The following TLL1 variants were observed in gnomAD, a reference collection of about 807,000 sequenced individuals.
The protein encoded by TLL1 is tolloid-like protein 1.
A neutral mutation model predicts 128.2 loss-of-function variants in TLL1; 49 were observed. The observed-to-expected ratio is 0.38, with a 90% confidence interval of 0.30 to 0.48. TLL1 has a LOEUF of 0.48. Ranked by LOEUF, TLL1 falls within the 20% of genes least tolerant of loss-of-function variation. The probability of loss-of-function intolerance (pLI) is 0.96; values close to 1 mark genes in which losing one functional copy is unlikely to be tolerated. For synonymous variants in TLL1, 454 were observed against 418.8 expected (o/e 1.08, Z -1.03); for missense variants, 1,123 against 1,242.0 (o/e 0.90, Z 1.44).
chr4:165,943,409 A>G (rs1157749651), intron 1 of TLL1, among the ~76,000 whole-genome samples: 2 of 152,012 alleles, frequency 1.3e-5, no homozygotes, highest in Non-Finnish European at 2.9e-5. Context: ...ATTTTAAAAG[A>G]TCAGAAGTTT....
At chr4:165,900,149 C>T (rs890570790) in intron 1 of TLL1, among the ~76,000 whole-genome samples, 1 of 150,924 alleles carries the variant, frequency 6.6e-6, no homozygotes, top group African/African-American at 2.4e-5. Flanking sequence ...AGATGGGTCT[C>T]CTGAATACAG....
chr4:166,056,238 T>G (rs1740001937), intron 13 of TLL1, among the ~76,000 whole-genome samples: 1 of 152,124 alleles, frequency 6.6e-6, no homozygotes, highest in African/African-American at 2.4e-5. Context: ...TTCTTTCATG[T>G]GATATTCATA....
chr4:166,006,661 C>T (rs1737445510), intron 6 of TLL1, among the ~76,000 whole-genome samples: 1 of 151,584 alleles, frequency 6.6e-6, no homozygotes, highest in African/African-American at 2.4e-5. Flanking sequence ...TGAATATTTC[C>T]CAAGAATGGT....
intron 9 of TLL1, chr4:166,030,681 A>G: frequency 9.4e-7 from 1 of 1,060,066 alleles, no homozygotes; most frequent in Non-Finnish European, 1.2e-6. Flanking sequence ...GTTAATAGAA[A>G]CCATTCTTGT....
rs1262999068 is a variant in TLL1, at chr4:165,899,362, G to T, written c.169+25289G>T. Among the ~76,000 whole-genome samples the T allele has an allele frequency of 2.6e-5, 4 of 152,234 alleles. No individual in the cohort carries two copies. In the East Asian group the frequency reaches 7.7e-4, roughly 29 times the overall value. On this transcript the variant is annotated intron_variant, in intron 1 of 20. Transcript: ENST00000061240. ...CTGCTTTCTCCTATGGGCATTTAGT[G>T]CTATAAATTTCCTTCTAAACACTGC...
chr4:165,998,658 G>A (rs1049777642), intron 5 of TLL1, among the ~76,000 whole-genome samples: 5 of 152,002 alleles, frequency 3.3e-5, no homozygotes, highest in East Asian at 1.9e-4. Context: ...TTAGCCGGGC[G>A]TGGTGGCGGG....
intron 10 of TLL1, among the ~76,000 whole-genome samples, chr4:166,041,301 TTTC>T (rs201145083): frequency 0.14 from 18,880 of 136,132 alleles, 1,117 homozygotes; most frequent in East Asian, 0.22. Flanking sequence ...TCTTTCTTTC[TTTC>T]TTTTTTTTTT....
At chr4:166,096,210 GGTGTGT>G (rs60978680) in intron 19 of TLL1, among the ~76,000 whole-genome samples, 328 of 145,548 alleles carry the variant, frequency 2.3e-3, no homozygotes, top group African/African-American at 3.8e-3. Context: ...TTCTGTCATG[GGTGTGT>G]GTGTGTGTGT....
chr4:166,014,701 A>C, intron 8 of TLL1, 141 bp downstream of exon 8: 1 of 1,329,620 alleles, frequency 7.5e-7, no homozygotes, highest in Admixed American at 1.7e-5. Context: ...AGTAATCATA[A>C]AATGAGGCAG....
intron 16 of TLL1, among the ~76,000 whole-genome samples, chr4:166,068,661 A>T (rs1740682243): frequency 6.6e-6 from 1 of 151,874 alleles, no homozygotes; most frequent in South Asian, 2.1e-4. Flanking sequence ...AATCCCATTC[A>T]TGGGACTTTT....
chr4:166,045,976 C>T (rs1739447899), intron 12 of TLL1, among the ~76,000 whole-genome samples: 1 of 152,166 alleles, frequency 6.6e-6, no homozygotes, highest in Non-Finnish European at 1.5e-5. Flanking sequence ...CTTCCAACTA[C>T]CAGAATTTAT....
intron 1 of TLL1, among the ~76,000 whole-genome samples, chr4:165,931,748 T>C (rs550325040): frequency 1.4e-5 from 2 of 138,926 alleles, no homozygotes; most frequent in Non-Finnish European, 3.2e-5. Flanking sequence ...TTGCAATGAT[T>C]AACTTCAGAT....
intron 1 of TLL1, among the ~76,000 whole-genome samples, chr4:165,926,846 A>G (rs1733293506): frequency 6.6e-6 from 1 of 152,200 alleles, no homozygotes; most frequent in East Asian, 1.9e-4. Context: ...GCAGTTCAAC[A>G]ACGGTGGTTT....
intron 12 of TLL1, among the ~76,000 whole-genome samples, chr4:166,048,153 T>C (rs987486280): frequency 6.6e-6 from 1 of 151,016 alleles, no homozygotes; most frequent in Non-Finnish European, 1.5e-5. Flanking sequence ...GGAGAATCGC[T>C]TGAACCTGGG....
intron 5 of TLL1, among the ~76,000 whole-genome samples, chr4:165,996,606 A>G (rs1736888444): frequency 7.3e-6 from 1 of 137,300 alleles, no homozygotes; most frequent in Non-Finnish European, 1.5e-5. Context: ...CTCAAAATAA[A>G]TAAATAAACA....
chr4:165,877,947 G>GT (rs1403117553), intron 1 of TLL1, among the ~76,000 whole-genome samples: 1 of 152,078 alleles, frequency 6.6e-6, no homozygotes, highest in African/African-American at 2.4e-5. Context: ...CTTATTCTCT[G>GT]TAGACATTTG....
rs149877668 is a variant in TLL1 at position 166,074,497 on chromosome 4, C to T, written c.2189-381C>T. Among the ~76,000 whole-genome samples, 400 of 151,588 alleles carry T rather than the reference C, an allele frequency of 2.6e-3. 1 individual carries two copies. The highest frequency in any genetic ancestry group is 8.6e-3 in the African/African-American group (357 of 41,312). On this transcript the variant is annotated intron_variant, in intron 16 of 20. Coordinates refer to ENST00000061240, the MANE Select transcript of TLL1 (RefSeq NM_012464.5). ...CCTCTACTTAAATGCTATTTCTTGC[C>T]GCTATTCAAACTATGCACAATTTTA... is the stretch of plus-strand genomic sequence containing the variant.
chr4:165,968,935 A>C (rs1185899411), intron 1 of TLL1, among the ~76,000 whole-genome samples: 1 of 152,132 alleles, frequency 6.6e-6, no homozygotes, highest in Non-Finnish European at 1.5e-5. Flanking sequence ...AAAAGAAAGA[A>C]TGTAAATGTG....
chr4:166,061,238 C>CTTTTTTTTTTTTTTTTT (rs1204049312), intron 15 of TLL1, among the ~76,000 whole-genome samples: 2 of 143,188 alleles, frequency 1.4e-5, no homozygotes. Flanking sequence ...TCCTCCTTTC[C>CTTTTTTTTTTTTTTTTT]TTTTTTTTTT....
Sources: allele counts gnomAD v4.1 joint callset (sites outside exome capture counted in the v4.1 genomes callset), GRCh38; gene constraint gnomAD v4.1.1; transcripts MANE v1.5; gene names NCBI Gene and HGNC (gene_info 2026-07-23, HGNC 2026-07-21).